Variants in HIGD1C observed in about 807,000 individuals in gnomAD.
HIGD1C encodes the protein HIG1 domain family member 1C.
Under a neutral mutation model 13.1 loss-of-function variants are expected in HIGD1C, and 11 were observed. That is an observed-to-expected ratio of 0.84 (90% CI 0.53 to 1.39). The LOEUF is 1.39. HIGD1C is among the 40% of genes most tolerant of loss of function. The pLI is 0.00. For synonymous variants in HIGD1C, 36 were observed against 37.7 expected (o/e 0.95, Z 0.17); for missense variants, 110 against 112.0 (o/e 0.98, Z 0.08).
At chr12:50,955,028 ACT>A (rs1939039812) in intron 1 of HIGD1C, among the ~76,000 whole-genome samples, 2 of 152,026 alleles carry the variant, frequency 1.3e-5, no homozygotes, top group Admixed American at 6.6e-5. Flanking sequence ...ACAGTGGCTC[ACT>A]CCTGTAATCC....
the HIGD1C span, among the ~76,000 whole-genome samples, chr12:50,948,406 C>G: frequency 6.6e-6 from 1 of 152,170 alleles, no homozygotes; most frequent in African/African-American, 2.4e-5. Context: ...ACAACACATT[C>G]TGTTGGGCAG....
chr12:50,947,168 G>A, the HIGD1C span, among the ~76,000 whole-genome samples: 37 of 152,236 alleles, frequency 2.4e-4, no homozygotes, highest in African/African-American at 8.7e-4. Context: ...TTCCTACCCT[G>A]TGGAGCAGAC....
At chr12:50,954,718 C>G (rs1035944788) in intron 1 of HIGD1C, among the ~76,000 whole-genome samples, 1 of 151,952 alleles carries the variant, frequency 6.6e-6, no homozygotes, top group Admixed American at 6.6e-5. Context: ...ATAGTGAGAC[C>G]CTGTCTCAAA....
the HIGD1C span, among the ~76,000 whole-genome samples, chr12:50,940,506 C>T: frequency 6.6e-6 from 1 of 152,036 alleles, no homozygotes; most frequent in African/African-American, 2.4e-5. Context: ...TCACATGGTG[C>T]CCAGAAGATT....
the HIGD1C span, among the ~76,000 whole-genome samples, chr12:50,937,420 A>C: frequency 6.6e-6 from 1 of 152,230 alleles, no homozygotes; most frequent in Non-Finnish European, 1.5e-5. Flanking sequence ...ATTGACCCCG[A>C]AGCCTCAAAG....
chr12:50,950,208 A>C (rs972026435), upstream of HIGD1C, among the ~76,000 whole-genome samples: 2 of 152,184 alleles, frequency 1.3e-5, no homozygotes, highest in African/African-American at 4.8e-5. Context: ...TCAAGGGCCT[A>C]CTTAACCTAG....
upstream of HIGD1C, among the ~76,000 whole-genome samples, chr12:50,953,470 A>T (rs1938973278): frequency 6.6e-6 from 1 of 152,244 alleles, no homozygotes; most frequent in South Asian, 2.1e-4. Flanking sequence ...TGTCTAGCAT[A>T]GCAACTGGCA....
At chr12:50,964,891 T>C (rs550322601) in intron 2 of HIGD1C, among the ~76,000 whole-genome samples, 1 of 152,338 alleles carries the variant, frequency 6.6e-6, no homozygotes, top group African/African-American at 2.4e-5. Flanking sequence ...CTCTGGTATC[T>C]TTTTTCAAAG....
At chr12:50,936,440 T>C in the HIGD1C span, among the ~76,000 whole-genome samples, 4 of 152,146 alleles carry the variant, frequency 2.6e-5, no homozygotes, top group Non-Finnish European at 4.4e-5. Flanking sequence ...TTATTTCACA[T>C]AGTACTTATA....
the HIGD1C span, among the ~76,000 whole-genome samples, chr12:50,948,188 T>G: frequency 6.6e-6 from 1 of 152,230 alleles, no homozygotes; most frequent in Non-Finnish European, 1.5e-5. Context: ...AATCCTTTGA[T>G]GACTCTAAGC....
At chr12:50,950,612 C>T (rs1377210758), upstream of HIGD1C, among the ~76,000 whole-genome samples, 1 of 151,894 alleles carries the variant, frequency 6.6e-6, no homozygotes, top group East Asian at 1.9e-4. Context: ...AAGCAATTCT[C>T]CTGCCTCAGC....
chr12:50,944,604 T>C, the HIGD1C span, among the ~76,000 whole-genome samples: 1,356 of 152,248 alleles, frequency 8.9e-3, 23 homozygotes, highest in African/African-American at 0.03. Context: ...ATGTTAAATC[T>C]GGCCAGGTGC....
upstream of HIGD1C, among the ~76,000 whole-genome samples, chr12:50,951,876 T>C (rs1001082874): frequency 6.9e-6 from 1 of 145,704 alleles, no homozygotes; most frequent in Admixed American, 7.1e-5. Context: ...GAGCCAAGAT[T>C]GCGCCATCAC....
chr12:50,969,395 C>T (rs1939672774), intron 2 of HIGD1C, among the ~76,000 whole-genome samples: 1 of 151,934 alleles, frequency 6.6e-6, no homozygotes, highest in Admixed American at 6.6e-5. Context: ...CCTACCTGTG[C>T]CATGTAGAAA....
At chr12:50,961,458 T>G (rs1031570254) in intron 2 of HIGD1C, among the ~76,000 whole-genome samples, 2 of 152,156 alleles carry the variant, frequency 1.3e-5, no homozygotes, top group Admixed American at 1.3e-4. Context: ...AGAGCAGCGA[T>G]CGTATTTCCC....
At chr12:50,932,063 G>A in the HIGD1C span, 1 of 152,106 alleles carries the variant, frequency 6.6e-6, no homozygotes, top group Non-Finnish European at 1.5e-5. Context: ...GTACTTGACA[G>A]TTTAGTATAT....
At chr12:50,954,412 A>C (rs940074140) in intron 1 of HIGD1C, 1 of 218,948 alleles carries the variant, frequency 4.6e-6, no homozygotes, top group Non-Finnish European at 8.9e-6. Context: ...ACTCAGGACC[A>C]TCAACAGCAG....
chr12:50,937,448 A>C, the HIGD1C span, among the ~76,000 whole-genome samples: 1 of 152,196 alleles, frequency 6.6e-6, no homozygotes, highest in Admixed American at 6.5e-5. Context: ...ACAGCATGTC[A>C]CAGCCCTGGC....
At chr12:50,965,283 T>C (rs1431295859) in intron 2 of HIGD1C, among the ~76,000 whole-genome samples, 2 of 147,786 alleles carry the variant, frequency 1.4e-5, no homozygotes, top group Non-Finnish European at 3.0e-5. Context: ...CTGGCTAATT[T>C]TTAATTTTTT....
Sources: allele counts gnomAD v4.1 joint callset (sites outside exome capture counted in the v4.1 genomes callset), GRCh38; gene constraint gnomAD v4.1.1; transcripts MANE v1.5; gene names NCBI Gene and HGNC (gene_info 2026-07-23, HGNC 2026-07-21).